Variants in CACNA1C observed in about 807,000 individuals in gnomAD.
The protein encoded by CACNA1C is calcium voltage-gated channel subunit alpha1 C, also known as voltage-dependent L-type calcium channel subunit alpha-1C.
CACNA1C carries 30 observed loss-of-function variants against 229.0 expected under a neutral mutation model. The observed-to-expected ratio is 0.13, with a 90% CI of 0.10 to 0.18. The LOEUF (loss-of-function observed/expected upper bound fraction) is 0.18. CACNA1C is among the 10% of genes least tolerant of loss of function. The probability of loss-of-function intolerance (pLI) is 1.00; values close to 1 mark genes in which losing one functional copy is unlikely to be tolerated. For synonymous variants in CACNA1C, 1,114 were observed against 1,132.5 expected (o/e 0.98, Z 0.33); for missense variants, 1,658 against 2,845.0 (o/e 0.58, Z 9.49).
intron 3 of CACNA1C, among the ~76,000 whole-genome samples, chr12:2,234,168 G>A (rs2066420354): frequency 6.6e-6 from 1 of 152,192 alleles, no homozygotes. Context: ...CAGTTAGCTG[G>A]AAGTGTCCCG....
intron 5 of CACNA1C, among the ~76,000 whole-genome samples, chr12:2,482,689 C>T (rs1413904491): frequency 2.0e-5 from 3 of 152,178 alleles, no homozygotes; most frequent in Non-Finnish European, 4.4e-5. Context: ...TGCTTGGATA[C>T]CTCTGAGGAT....
At chr12:2,397,914 C>T (rs773320819) in intron 3 of CACNA1C, among the ~76,000 whole-genome samples, 38 of 152,232 alleles carry the variant, frequency 2.5e-4, no homozygotes, top group South Asian at 2.1e-4. Flanking sequence ...TCACAACAAG[C>T]GCCCTTGGCA....
At chr12:2,294,198 G>C (rs536266518) in intron 3 of CACNA1C, among the ~76,000 whole-genome samples, 1 of 152,178 alleles carries the variant, frequency 6.6e-6, no homozygotes, top group South Asian at 2.1e-4. Flanking sequence ...TTTTTGCCTG[G>C]CCTTAAAGGG....
At chr12:2,668,030 G>A (rs1192007082) in intron 37 of CACNA1C, among the ~76,000 whole-genome samples, 8 of 152,228 alleles carry the variant, frequency 5.3e-5, no homozygotes. Context: ...TCCAGTGTCA[G>A]CAAGCTTCTG....
intron 3 of CACNA1C, among the ~76,000 whole-genome samples, chr12:2,161,050 G>A (rs932823431): frequency 6.6e-6 from 1 of 152,158 alleles, no homozygotes; most frequent in Middle Eastern, 3.2e-3. Flanking sequence ...TCGAACTTCT[G>A]GCCTCGTGAT....
intron 3 of CACNA1C, among the ~76,000 whole-genome samples, chr12:2,221,221 C>T (rs575544067): frequency 6.6e-6 from 1 of 152,066 alleles, no homozygotes; most frequent in African/African-American, 2.4e-5. Context: ...AAAGGGTTGG[C>T]GGTGTGGGGA....
chr12:2,116,704 C>A (rs545113239), intron 2 of CACNA1C, among the ~76,000 whole-genome samples: 2 of 152,226 alleles, frequency 1.3e-5, no homozygotes, highest in South Asian at 4.2e-4. Flanking sequence ...GTTCCTCCCC[C>A]ACTTCCACGA....
intron 29 of CACNA1C, among the ~76,000 whole-genome samples, chr12:2,623,018 T>C (rs188604116): frequency 2.6e-4 from 40 of 152,330 alleles, no homozygotes; most frequent in Admixed American, 5.2e-4. Flanking sequence ...ATGTAGTCTT[T>C]CGATGTACAG....
chr12:2,179,918 A>G (rs2096781693), intron 3 of CACNA1C, among the ~76,000 whole-genome samples: 1 of 152,216 alleles, frequency 6.6e-6, no homozygotes, highest in Non-Finnish European at 1.5e-5. Flanking sequence ...TCTCTGCTTC[A>G]AATGAAATTT....
At chr12:2,255,905 T>TGACCTGACTAGTTTACAAC (rs2077374028) in intron 3 of CACNA1C, among the ~76,000 whole-genome samples, 6 of 6,654 alleles carry the variant, frequency 9.0e-4, no homozygotes, top group Admixed American at 1.4e-3. Context: ...TAGTTTACAA[T>TGACCTGACTAGTTTACAAC]CACACGACCC....
chr12:2,254,134 C>T (rs960381249), intron 3 of CACNA1C, among the ~76,000 whole-genome samples: 1 of 152,204 alleles, frequency 6.6e-6, no homozygotes, highest in East Asian at 1.9e-4. Flanking sequence ...CAGAAAAACT[C>T]GCAATGCAAA....
intron 1 of CACNA1C, among the ~76,000 whole-genome samples, chr12:1,995,986 C>T (rs1171361138): frequency 2.0e-5 from 3 of 152,192 alleles, no homozygotes; most frequent in Non-Finnish European, 4.4e-5. Context: ...ACATTCTTGA[C>T]CTCCTGTCTT....
chr12:2,422,256 A>G (rs1315052585), intron 3 of CACNA1C, among the ~76,000 whole-genome samples: 2 of 152,212 alleles, frequency 1.3e-5, no homozygotes, highest in Non-Finnish European at 2.9e-5. Flanking sequence ...GAGCGGGAGC[A>G]TTAGCAGACA....
intron 1 of CACNA1C, among the ~76,000 whole-genome samples, chr12:2,011,876 C>T (rs2044509167): frequency 6.6e-6 from 1 of 152,316 alleles, no homozygotes; most frequent in Admixed American, 6.5e-5. Flanking sequence ...TGGGCTCTCG[C>T]TGTAGATTGC....
chr12:2,273,109 A>G (rs1484735368), intron 3 of CACNA1C, among the ~76,000 whole-genome samples: 1 of 152,168 alleles, frequency 6.6e-6, no homozygotes, highest in Non-Finnish European at 1.5e-5. Context: ...AGGACTCCCC[A>G]ACCCCTTGGA....
chr12:2,114,680 C>T (rs1008804648), intron 1 of CACNA1C, among the ~76,000 whole-genome samples: 5 of 152,136 alleles, frequency 3.3e-5, no homozygotes, highest in African/African-American at 9.7e-5. Context: ...AACTCAGGTG[C>T]AGAGAGTTGA....
chr12:2,493,327 G>A lies in CACNA1C; in HGVS notation c.1054G>A (p.Ala352Thr). 2 of 1,614,140 alleles carry A rather than the reference G, an allele frequency of 1.2e-6. No homozygotes were observed. Among genetic ancestry groups the A allele is most frequent in the Non-Finnish European group, 1.7e-6 (2 of 1,179,988 alleles). ...CACCAACTTTGACAACTTTGCCTTC[G>A]CCATGCTCACGGTGTTCCAGTGCAT... ...GITNFDNFAF[A>T]MLTVFQCITM... The change falls in exon 7 of 47, where the codon GCC (alanine) becomes ACC (threonine). Residue 352 changes from alanine (A) to threonine (T), a missense_variant. Transcript: ENST00000399655. This position sits in a 1 kb window ranked among gnomAD's most constrained non-coding sequence, Gnocchi z 4.6.
At chr12:2,004,848 GAA>G (rs1200861160) in intron 1 of CACNA1C, 1 of 170,300 alleles carries the variant, frequency 5.9e-6, no homozygotes, top group Non-Finnish European at 1.3e-5. Flanking sequence ...ACTCTGAAGA[GAA>G]AGAGAACTGA....
At chr12:2,207,775 C>T (rs1469245878) in intron 3 of CACNA1C, among the ~76,000 whole-genome samples, 3 of 152,004 alleles carry the variant, frequency 2.0e-5, no homozygotes, top group Non-Finnish European at 4.4e-5. Context: ...GAGTTGAGAT[C>T]GTGCCACTGT....
Sources: gnomAD v4.1 joint callset for allele counts (sites outside exome capture counted in the v4.1 genomes callset) on GRCh38, gnomAD v4.1.1 for gene constraint, Gnocchi (gnomAD v3.1) non-coding constraint, MANE v1.5 for transcripts, NCBI Gene and HGNC (gene_info 2026-07-23, HGNC 2026-07-21) for gene names.